HEXB: variants seen among roughly 807,000 people sequenced by gnomAD.
The protein encoded by HEXB is beta-hexosaminidase subunit beta.
In HEXB, 51 loss-of-function variants were observed where a neutral mutation model predicts 71.2. The observed-to-expected ratio is 0.72, with a 90% confidence interval of 0.57 to 0.90. The LOEUF (loss-of-function observed/expected upper bound fraction) is 0.90, where lower values mean the gene tolerates loss of function less well. Ranked by LOEUF, HEXB falls within the 40% of genes least tolerant of loss-of-function variation. The probability of loss-of-function intolerance (pLI) is 0.00; values close to 1 mark genes in which losing one functional copy is unlikely to be tolerated. For synonymous variants in HEXB, 266 were observed against 249.3 expected (o/e 1.07, Z -0.63); for missense variants, 617 against 677.0 (o/e 0.91, Z 0.98).
chr5:74,709,774 A>C (rs971624629), intron 6 of HEXB, among the ~76,000 whole-genome samples: 68 of 152,302 alleles, frequency 4.5e-4, no homozygotes, highest in Middle Eastern at 6.8e-3. Flanking sequence ...CAATAACAGG[A>C]GCTGAAATTG....
At chr5:74,649,826 A>G (rs570438639) in intron 1 of HEXB, among the ~76,000 whole-genome samples, 105 of 152,220 alleles carry the variant, frequency 6.9e-4, no homozygotes, top group Non-Finnish European at 1.4e-3. Context: ...TTGTTACATC[A>G]GTTCACAAGC....
rs548330045 is a variant in HEXB, at chr5:74,658,530, G to A, written c.-377+17972G>A. 9.9e-5 allele frequency among the ~76,000 whole-genome samples: 15 copies of A among 152,026 alleles called. No individual in the cohort carries two copies. In the East Asian group the frequency reaches 2.9e-3, roughly 29 times the overall value. On this transcript the variant is annotated intron_variant, in intron 1 of 13. Coordinates refer to the HEXB transcript ENST00000511181. Reference sequence around the variant, plus strand: ...TCACATGGTATCAGTTGACCTAGAGGCTAAGATCAGCTAGGTGGGCAATCA... The same window carrying A: ...TCACATGGTATCAGTTGACCTAGAGACTAAGATCAGCTAGGTGGGCAATCA...
intron 11 of HEXB, among the ~76,000 whole-genome samples, chr5:74,719,302 C>T (rs1749754932): frequency 6.6e-6 from 1 of 152,114 alleles, no homozygotes; most frequent in African/African-American, 2.4e-5. Context: ...TTGCATTAAC[C>T]TTACATGCCC....
chr5:74,662,417 T>C (rs917340833), intron 1 of HEXB, among the ~76,000 whole-genome samples: 2 of 152,242 alleles, frequency 1.3e-5, no homozygotes, highest in Admixed American at 1.3e-4. Flanking sequence ...TGAATTATGC[T>C]ACTAGAAAAT....
intron 7 of HEXB, 142 bp downstream of exon 7, chr5:74,713,777 C>T: frequency 2.8e-6 from 2 of 711,260 alleles, no homozygotes; most frequent in Non-Finnish European, 5.0e-6. Flanking sequence ...GATTCTCCTG[C>T]CTCAGCTTCC....
At chr5:74,699,627 T>C (rs936506123) in intron 5 of HEXB, among the ~76,000 whole-genome samples, 3 of 152,202 alleles carry the variant, frequency 2.0e-5, no homozygotes, top group Non-Finnish European at 4.4e-5. Flanking sequence ...CTCATGCTGA[T>C]GGACATCTAA....
Position 74,720,766 on chromosome 5 carries a change from C to T in HEXB, c.1613+19C>T, listed in dbSNP as rs752515524. On this transcript the variant is annotated intron_variant, in intron 13 of 13. Transcript: ENST00000261416. ...TGGTCGAGTAAGAAATCTATTAAGT[C>T]CAGTGTGATTTTTAACCTTCTTATT... 10 of 1,575,590 alleles carry T rather than the reference C, an allele frequency of 6.3e-6. No homozygotes were observed. Among genetic ancestry groups the T allele is most frequent in the African/African-American group, 1.3e-5 (1 of 74,268 alleles).
In HEXB at chr5:74,719,341, C is replaced by T. The variant is rs143585065; in HGVS notation, c.1417+370C>T. 1.8e-3 allele frequency among the ~76,000 whole-genome samples: 272 copies of T among 152,210 alleles called. 3 individuals carry two copies. Among genetic ancestry groups the T allele is most frequent in the African/African-American group, 6.1e-3 (255 of 41,526 alleles). ...TCTGAACTGCTTCTCCAATGTAAGA[C>T]ACCTAAGCAAAGCTATAGTTTTAGT... On this transcript the variant is annotated intron_variant, in intron 11 of 13. Coordinates refer to ENST00000261416, the MANE Select transcript of HEXB (RefSeq NM_000521.4).
chr5:74,712,158 A>C (rs1749558200), intron 6 of HEXB, among the ~76,000 whole-genome samples: 1 of 147,438 alleles, frequency 6.8e-6, no homozygotes, highest in Non-Finnish European at 1.5e-5. Context: ...GGAAATCATC[A>C]TTCTCAGTAA....
At chr5:74,702,235 CG>C (rs368881779) in intron 5 of HEXB, among the ~76,000 whole-genome samples, 3 of 149,236 alleles carry the variant, frequency 2.0e-5, no homozygotes, top group African/African-American at 7.4e-5. Flanking sequence ...CCCGCCACTA[CG>C]CCTGGCTAAT....
intron 1 of HEXB, among the ~76,000 whole-genome samples, chr5:74,654,866 G>T (rs1425464273): frequency 6.6e-6 from 1 of 152,194 alleles, no homozygotes; most frequent in Admixed American, 6.5e-5. Flanking sequence ...TAAGAGAGAG[G>T]CCGGGAAGCA....
At chr5:74,711,896 A>G (rs893946552) in intron 6 of HEXB, among the ~76,000 whole-genome samples, 7 of 150,950 alleles carry the variant, frequency 4.6e-5, no homozygotes, top group East Asian at 3.9e-4. Flanking sequence ...ATCTAGAACT[A>G]GAAATACCAT....
chr5:74,703,778 A>C (rs1252030375), intron 5 of HEXB, among the ~76,000 whole-genome samples: 1 of 151,918 alleles, frequency 6.6e-6, no homozygotes, highest in African/African-American at 2.4e-5. Context: ...CAATCCTCCC[A>C]CCTCAGCCTC....
intron 2 of HEXB, 21 bp from the exon 3 acceptor site, chr5:74,693,618 G>T (rs1749048576): frequency 1.3e-6 from 2 of 1,567,320 alleles, no homozygotes; most frequent in Non-Finnish European, 1.8e-6. Flanking sequence ...GTGTGTGTGT[G>T]ATTTTAAATC....
At chr5:74,698,563 T>A (rs189220395) in intron 5 of HEXB, among the ~76,000 whole-genome samples, 10 of 151,962 alleles carry the variant, frequency 6.6e-5, no homozygotes, top group African/African-American at 2.2e-4. Flanking sequence ...AGCTAATTTT[T>A]GTATTTTTAG....
intron 8 of HEXB, among the ~76,000 whole-genome samples, chr5:74,715,992 G>C (rs1388734136): frequency 8.0e-6 from 1 of 124,688 alleles, no homozygotes; most frequent in East Asian, 2.5e-4. Flanking sequence ...ACTCCAGACT[G>C]AGTGACAGAG....
At chr5:74,692,705 G>A (rs1200640487) in intron 2 of HEXB, among the ~76,000 whole-genome samples, 1 of 152,198 alleles carries the variant, frequency 6.6e-6, no homozygotes, top group Non-Finnish European at 1.5e-5. Context: ...GCATCTGAAT[G>A]GTGGTGGTGG....
intron 1 of HEXB, among the ~76,000 whole-genome samples, chr5:74,668,679 A>G (rs1748479642): frequency 6.6e-6 from 1 of 152,262 alleles, no homozygotes; most frequent in Non-Finnish European, 1.5e-5. Flanking sequence ...ACCTCCTGCT[A>G]TAAGCAGTGG....
chr5:74,664,142 G>A (rs1011369069), intron 1 of HEXB, among the ~76,000 whole-genome samples: 5 of 151,822 alleles, frequency 3.3e-5, no homozygotes, highest in African/African-American at 1.2e-4. Flanking sequence ...TGTAATCCGA[G>A]CTACTTGGGA....
Sources: gnomAD v4.1 joint callset for allele counts (sites outside exome capture counted in the v4.1 genomes callset) on GRCh38, gnomAD v4.1.1 for gene constraint, MANE v1.5 for transcripts, NCBI Gene and HGNC (gene_info 2026-07-23, HGNC 2026-07-21) for gene names.